The following STK38 variants were observed in gnomAD, a reference collection of about 807,000 sequenced individuals.
STK38 encodes serine/threonine kinase 38.
STK38 carries 26 observed loss-of-function variants against 59.0 expected under a neutral mutation model. That is an observed-to-expected ratio of 0.44 (90% confidence interval 0.32 to 0.61). The LOEUF (loss-of-function observed/expected upper bound fraction) is 0.61. Ranked by LOEUF, STK38 falls within the 20% of genes least tolerant of loss-of-function variation. The pLI is 0.04. For synonymous variants in STK38, 175 were observed against 176.6 expected, an observed-to-expected ratio of 0.99 and a Z score of 0.07; for missense variants, 433 against 566.0, an observed-to-expected ratio of 0.76 and a Z score of 2.38.
At chr6:36,509,325 G>A (rs1777046201) in intron 7 of STK38, among the ~76,000 whole-genome samples, 1 of 152,170 alleles carries the variant, frequency 6.6e-6, no homozygotes, top group South Asian at 2.1e-4. Flanking sequence ...GACCCAGAGT[G>A]GGTACCTCCC....
In STK38 at chr6:36,506,977, A is replaced by G. The variant is rs542923257; in HGVS notation, c.773-333T>C. Among the ~76,000 whole-genome samples, 11 of 152,300 alleles carry G rather than the reference A, an allele frequency of 7.2e-5. No homozygotes were observed. In the East Asian group the frequency reaches 9.6e-4, roughly 13 times the overall value. ...CTAACGTGGACCTAAAACAGTCACA[A>G]TTTCTCAAAATTACCATCAATTTTC... On this transcript the variant is annotated intron_variant, in intron 8 of 13. Transcript: ENST00000229812.
At chr6:36,520,379 G>A (rs1429669911) in intron 5 of STK38, among the ~76,000 whole-genome samples, 1 of 152,164 alleles carries the variant, frequency 6.6e-6, no homozygotes, top group African/African-American at 2.4e-5. Flanking sequence ...TAGAAACCAT[G>A]CGGGGCACCT....
At chr6:36,520,362 CCT>C (rs1256006697) in intron 5 of STK38, among the ~76,000 whole-genome samples, 1 of 152,178 alleles carries the variant, frequency 6.6e-6, no homozygotes, top group Non-Finnish European at 1.5e-5. Context: ...TCTGGATCAT[CCT>C]CTGTTAGAAA....
chr6:36,516,498 T>C (rs1228224736), intron 6 of STK38, among the ~76,000 whole-genome samples: 1 of 152,230 alleles, frequency 6.6e-6, no homozygotes, highest in Non-Finnish European at 1.5e-5. Flanking sequence ...TAGAACATTA[T>C]GTTTTGTATT....
At chr6:36,497,934 CTTTCT>C in intron 11 of STK38, 59 bp from the exon 12 acceptor site, 4 of 1,024,122 alleles carry the variant, frequency 3.9e-6, no homozygotes, top group East Asian at 2.7e-5. Flanking sequence ...AAAAGAAAAA[CTTTCT>C]TTTTTTTTTT....
chr6:36,519,230 G>C (rs532012636), intron 5 of STK38, among the ~76,000 whole-genome samples: 2 of 152,220 alleles, frequency 1.3e-5, no homozygotes, highest in South Asian at 2.1e-4. Flanking sequence ...GGAAAAAATG[G>C]ACAATAAGGG....
rs561941468 is a variant in STK38 at position 36,537,119 on chromosome 6, C to A, written c.131+2953G>T. ...TTTTTAAATGCTCGAAAAATCTCAA[C>A]AAACATTTCACAAAGGAAGATGCAC... On this transcript the variant is annotated intron_variant, in intron 2 of 13. Transcript: ENST00000229812. Among the ~76,000 whole-genome samples the A allele has an allele frequency of 2.0e-5, 3 of 152,128 alleles. No individual in the cohort carries two copies. In the East Asian group the frequency reaches 5.8e-4, roughly 29 times the overall value.
chr6:36,517,670 A>G, intron 6 of STK38, 47 bp downstream of exon 6: 1 of 1,600,024 alleles, frequency 6.2e-7, no homozygotes, highest in South Asian at 1.1e-5. Flanking sequence ...AGAGAAAGAA[A>G]CCACAGAACA....
chr6:36,507,402 G>C lies in STK38; in HGVS notation c.772+98C>G, dbSNP rs572391805. 14 of 991,430 alleles carry C rather than the reference G, an allele frequency of 1.4e-5. No homozygotes were observed. The South Asian group carries it at 1.7e-4, about 12-fold the overall frequency. The allele number at this position is 991,430 out of a possible 1,614,324, so 61.4% of individuals were successfully genotyped here. A position where few individuals can be genotyped will look rare whatever the true frequency, so the allele number is the denominator to read the frequency against. ...TATTTTTATTCTCTACATACTCAAA[G>C]TGTGAGAATCTCCTATCTGTTCTAA... On this transcript the variant is annotated intron_variant, in intron 8 of 13. Transcript: ENST00000229812.
At chr6:36,515,552 AC>A (rs1777229975) in intron 6 of STK38, 60 bp from the exon 7 acceptor site, 10 of 1,572,728 alleles carry the variant, frequency 6.4e-6, no homozygotes, top group East Asian at 4.6e-5. Flanking sequence ...ACACACACAC[AC>A]ACAACATACG....
At chr6:36,542,033 C>A (rs1378717695) in intron 1 of STK38, among the ~76,000 whole-genome samples, 2 of 151,914 alleles carry the variant, frequency 1.3e-5, no homozygotes, top group Non-Finnish European at 2.9e-5. Context: ...CGGGGTTTCA[C>A]CACACTGGTC....
chr6:36,546,998 G>T (rs612988), intron 1 of STK38, among the ~76,000 whole-genome samples, 192 bp downstream of exon 1: 2 of 152,140 alleles, frequency 1.3e-5, no homozygotes, highest in Non-Finnish European at 2.9e-5. Flanking sequence ...GGCCAACAAG[G>T]GGCATCTGGA....
intron 2 of STK38, among the ~76,000 whole-genome samples, chr6:36,533,807 T>A (rs1040474562): frequency 2.6e-5 from 4 of 152,192 alleles, no homozygotes; most frequent in Non-Finnish European, 5.9e-5. Flanking sequence ...GTGACTGTAT[T>A]TGAAATAACT....
intron 2 of STK38, among the ~76,000 whole-genome samples, chr6:36,528,151 G>A (rs1777578955): frequency 1.3e-5 from 2 of 152,020 alleles, no homozygotes; most frequent in South Asian, 4.1e-4. Flanking sequence ...GAAATAGCAT[G>A]TAGTCCATTG....
At chr6:36,536,581 T>C (rs978282604) in intron 2 of STK38, among the ~76,000 whole-genome samples, 14 of 152,298 alleles carry the variant, frequency 9.2e-5, no homozygotes, top group African/African-American at 2.9e-4. Context: ...TTGCCCAGGC[T>C]GGAGTTCAGT....
Position 36,527,207 on chromosome 6 carries a change from A to ATATATATATAT in STK38, c.132-1566_132-1565insATATATATATA, listed in dbSNP as rs1554168828. ...ACTCCGTCTCAAAAAAAAAAAAAAA[A>ATATATATATAT]ATATATGTATATATATATATATTTA... is the stretch of plus-strand genomic sequence containing the variant. On this transcript the variant is annotated intron_variant, in intron 2 of 13. Coordinates refer to ENST00000229812, the MANE Select transcript of STK38 (RefSeq NM_007271.4). Among the ~76,000 whole-genome samples the ATATATATATAT allele has an allele frequency of 4.3e-4, 51 of 119,342 alleles. 1 individual carries two copies. Among genetic ancestry groups the ATATATATATAT allele is most frequent in the East Asian group, 3.2e-3 (13 of 4,096 alleles). The allele number at this position is 119,342 out of a possible 152,430, so 78.3% of individuals were successfully genotyped here.
chr6:36,532,620 A>G (rs1460864155), intron 2 of STK38, among the ~76,000 whole-genome samples: 1 of 152,054 alleles, frequency 6.6e-6, no homozygotes, highest in Non-Finnish European at 1.5e-5. Context: ...TACTAAAAAT[A>G]CAAAAATTAG....
intron 9 of STK38, 139 bp downstream of exon 9, chr6:36,506,444 A>T: frequency 1.2e-6 from 1 of 842,684 alleles, no homozygotes; most frequent in Admixed American, 2.8e-5. Context: ...CTACCAACCT[A>T]ACAACAGCAC....
intron 1 of STK38, among the ~76,000 whole-genome samples, chr6:36,543,928 C>G (rs1227482093): frequency 6.6e-6 from 1 of 152,134 alleles, no homozygotes; most frequent in Non-Finnish European, 1.5e-5. Flanking sequence ...GCCACCGCAC[C>G]CAGCCAAGGA....
Sources: allele counts gnomAD v4.1 joint callset (sites outside exome capture counted in the v4.1 genomes callset), GRCh38; gene constraint gnomAD v4.1.1; transcripts MANE v1.5; gene names NCBI Gene and HGNC (gene_info 2026-07-23, HGNC 2026-07-21).